Variants in CPAMD8 observed in about 807,000 individuals in gnomAD.
CPAMD8 encodes C3 and PZP like alpha-2-macroglobulin domain containing 8.
Under a neutral mutation model 224.7 loss-of-function variants are expected in CPAMD8, and 146 were observed. The ratio of observed to expected loss-of-function variants is 0.65; its 90% CI spans 0.57 to 0.75. The LOEUF is 0.75. Among genes scored for constraint, CPAMD8 ranks in the 30% least tolerant of loss-of-function variants. The pLI, the probability that CPAMD8 is intolerant of heterozygous loss-of-function variation, is 0.00. For missense variants in CPAMD8, 2,301 were observed against 2,537.5 expected, an observed-to-expected ratio of 0.91 and a Z score of 2.00; for synonymous variants, 966 against 1,044.6, an observed-to-expected ratio of 0.92 and a Z score of 1.45.
chr19:16,946,477 G>GTGTGTA (rs2054094446), intron 21 of CPAMD8, among the ~76,000 whole-genome samples: 1 of 147,056 alleles, frequency 6.8e-6, no homozygotes, highest in Non-Finnish European at 1.5e-5. Flanking sequence ...GGATCTGTGT[G>GTGTGTA]TATGCATGTC....
chr19:16,932,434 G>A (rs1003593964), intron 23 of CPAMD8, among the ~76,000 whole-genome samples: 2 of 151,886 alleles, frequency 1.3e-5, no homozygotes, highest in African/African-American at 4.8e-5. Context: ...AAATAGTAAT[G>A]GTAATGATAT....
At chr19:16,893,898 T>G (rs1180315380) in intron 41 of CPAMD8, 1 of 160,214 alleles carries the variant, frequency 6.2e-6, no homozygotes, top group African/African-American at 2.4e-5. Context: ...TTTGGGGTCC[T>G]GGGTGCCCCA....
intron 19 of CPAMD8, among the ~76,000 whole-genome samples, chr19:16,955,284 A>G (rs2054432713): frequency 6.9e-6 from 1 of 144,716 alleles, no homozygotes; most frequent in South Asian, 2.1e-4. Context: ...ACAGAGCAAG[A>G]CTCCATCTCA....
Position 16,893,334 on chromosome 19 carries a change from G to T in CPAMD8, c.5432C>A (p.Thr1811Lys). 1 of 1,529,156 alleles carries T rather than the reference G, an allele frequency of 6.5e-7. No homozygotes were observed. The allele number at this position is 1,529,156 out of a possible 1,614,324, so 94.7% of individuals were successfully genotyped here. Residue 1811 changes from threonine to lysine, a missense_variant, in exon 42 of 42, where the codon ACA (threonine) becomes AAA (lysine). Physicochemically the swap from Thr to Lys is moderately conservative, Grantham distance 78. Transcript: ENST00000443236. The part of the protein sequence containing the change: ...EPEGEAEDRV[T>K]AGPRPPVSSG... ...GCTCACAGGAGGCCGAGGCCCGGCT[G>T]TGACCCTGGAGATGAGGTTTTATCT...
At chr19:16,987,180 ATATATATATAT>A (rs1482198029) in intron 13 of CPAMD8, among the ~76,000 whole-genome samples, 14 of 41,948 alleles carry the variant, frequency 3.3e-4, no homozygotes, top group African/African-American at 1.5e-3. Context: ...AAAAAAAAAA[ATATATATATAT>A]ATATATATAT....
chr19:16,964,905 C>T (rs559727354), intron 18 of CPAMD8, among the ~76,000 whole-genome samples: 150 of 152,220 alleles, frequency 9.9e-4, no homozygotes, highest in African/African-American at 2.1e-3. Context: ...AATCAATAAA[C>T]GAAATCCATC....
At chr19:16,911,397 G>T (rs1347171869) in intron 29 of CPAMD8, among the ~76,000 whole-genome samples, 2 of 148,036 alleles carry the variant, frequency 1.4e-5, no homozygotes, top group African/African-American at 5.0e-5. Context: ...AGTCTGGCTT[G>T]GTTGCCCAGG....
chr19:16,921,967 G>C lies in CPAMD8; in HGVS notation c.3567C>G (p.Thr1189=). Residue 1189 remains threonine (T), a synonymous_variant, in exon 27 of 42, where the codon ACC becomes ACG. Coordinates refer to ENST00000443236, the MANE Select transcript of CPAMD8 (RefSeq NM_015692.5). ...TGTAGGAGCCATCCTGGCGCTTGTA[G>C]GTCAGCTGGCGCTGGTAGCCTGTGG... ...YLVQGYQRQL[T]YKRQDGSYSA... 1 of 1,548,242 alleles carries C rather than the reference G, an allele frequency of 6.5e-7. No individual in the cohort carries two copies. Among genetic ancestry groups the C allele is most frequent in the South Asian group, 1.2e-5 (1 of 84,054 alleles).
intron 29 of CPAMD8, among the ~76,000 whole-genome samples, chr19:16,912,443 G>A (rs1340671705): frequency 6.6e-6 from 1 of 152,214 alleles, no homozygotes; most frequent in Non-Finnish European, 1.5e-5. Context: ...GGCCTGTTGA[G>A]TGTTCACTGA....
intron 39 of CPAMD8, chr19:16,896,990 A>AC (rs2052031559): frequency 3.7e-5 from 5 of 135,170 alleles, no homozygotes; most frequent in African/African-American, 9.2e-5. Flanking sequence ...ACCCACCCCA[A>AC]CCCCACCCCC....
At chr19:17,018,927 A>T (rs937055527) in intron 3 of CPAMD8, among the ~76,000 whole-genome samples, 1 of 151,534 alleles carries the variant, frequency 6.6e-6, no homozygotes, top group African/African-American at 2.4e-5. Context: ...AAAGAAAAAA[A>T]AAACCACTGA....
At position 16,945,777 on chromosome 19, in the gene CPAMD8, A is replaced by ATGTG. The variant is rs373537612; in HGVS notation, c.2663-102_2663-99dup. The ATGTG allele has an allele frequency of 1.3e-4, 139 of 1,075,214 alleles. No homozygotes were observed. In the East Asian group the frequency reaches 3.3e-3, roughly 26 times the overall value. The allele number at this position is 1,075,214 out of a possible 1,614,324, so 66.6% of individuals were successfully genotyped here. A position where few individuals can be genotyped will look rare whatever the true frequency, so the allele number is the denominator to read the frequency against. ...ATCCCAGATGTGTGTGCATGCATGC[A>ATGTG]TGTGTGTGTGTGTGCATGTGTGTGT... is the stretch of plus-strand genomic sequence containing the variant. On this transcript the variant is annotated intron_variant, in intron 21 of 41. Transcript: ENST00000443236.
rs1484813841 is a variant in CPAMD8, at chr19:16,947,145, A to G, written c.2591T>C (p.Val864Ala). The G allele has an allele frequency of 6.2e-7, 1 of 1,613,728 alleles. No homozygotes were observed. The highest frequency in any genetic ancestry group is 1.7e-5 in the Admixed American group (1 of 59,980). Residue 864 changes from valine (V) to alanine (A), a missense_variant, in exon 21 of 42, where the codon GTG becomes GCG. This residue lies in a region of CPAMD8 where 1,709 missense variants were observed against 1,753.2 expected (regional missense o/e 0.97). Coordinates refer to ENST00000443236, the MANE Select transcript of CPAMD8 (RefSeq NM_015692.5). ...GKRHVTKKMCVAPGEAEPIWV... is the reference protein window; with the variant it reads ...GKRHVTKKMCAAPGEAEPIWV... ...GATGGGCTCAGCCTCCCCGGGGGCCACACACATCTTCTTGGTCACATGGCG... is the reference window on the plus strand; with the variant it reads ...GATGGGCTCAGCCTCCCCGGGGGCCGCACACATCTTCTTGGTCACATGGCG...
At chr19:16,937,700 T>C (rs1053862672) in intron 23 of CPAMD8, among the ~76,000 whole-genome samples, 2 of 148,490 alleles carry the variant, frequency 1.3e-5, no homozygotes, top group African/African-American at 5.0e-5. Context: ...TCACCCAGGC[T>C]GGAGTGCAAT....
At chr19:17,010,713 G>A (rs950825237) in intron 5 of CPAMD8, among the ~76,000 whole-genome samples, 5 of 152,130 alleles carry the variant, frequency 3.3e-5, no homozygotes, top group Admixed American at 2.0e-4. Context: ...GACAGAGAGA[G>A]AGCGCTAGAA....
At chr19:16,993,638 A>G in intron 11 of CPAMD8, 52 bp from the exon 12 acceptor site, 1 of 1,539,238 alleles carries the variant, frequency 6.5e-7, no homozygotes, top group Non-Finnish European at 8.9e-7. Context: ...ATGCTCCCCA[A>G]ACTGATCTGC....
rs145258505 is a variant in CPAMD8, at chr19:17,005,368, A to C, written c.560-982T>G. Among the ~76,000 whole-genome samples, 597 of 152,094 alleles carry C rather than the reference A, an allele frequency of 3.9e-3. 4 individuals are homozygous for C. The highest frequency in any genetic ancestry group is 0.014 in the African/African-American group (571 of 41,468). On this transcript the variant is annotated intron_variant, in intron 7 of 41. Coordinates refer to ENST00000443236, the MANE Select transcript of CPAMD8 (RefSeq NM_015692.5). ...CATTGCCATGTCCCCTGGGGGCAGA[A>C]TCGCCTGTCCGACCCCCCACCCCTC...
At chr19:16,961,953 C>T (rs937270554) in intron 18 of CPAMD8, among the ~76,000 whole-genome samples, 23 of 152,080 alleles carry the variant, frequency 1.5e-4, no homozygotes, top group African/African-American at 3.9e-4. Context: ...AGAGACCTGA[C>T]GTTAGAAGGA....
intron 8 of CPAMD8, among the ~76,000 whole-genome samples, chr19:17,003,759 T>C (rs888529402): frequency 2.8e-4 from 40 of 144,384 alleles, no homozygotes; most frequent in African/African-American, 1.0e-3. Context: ...GCCTGGGTGA[T>C]GGGTGTGAAA....
Sources: gnomAD v4.1 joint callset for allele counts (sites outside exome capture counted in the v4.1 genomes callset) on GRCh38, gnomAD v4.1.1 for gene constraint, gnomAD v4.1.1 regional missense constraint, MANE v1.5 for transcripts, NCBI Gene and HGNC (gene_info 2026-07-23, HGNC 2026-07-21) for gene names.